The following ADGRV1 variants were observed in gnomAD, a reference collection of about 807,000 sequenced individuals.
ADGRV1 encodes the protein G-protein coupled receptor 98.
ADGRV1 carries 359 observed loss-of-function variants against 596.2 expected under a neutral mutation model. That is an observed-to-expected ratio of 0.60 (90% confidence interval 0.55 to 0.66). The LOEUF (loss-of-function observed/expected upper bound fraction) is 0.66. ADGRV1 is among the 30% of genes least tolerant of loss of function. The probability of loss-of-function intolerance (pLI) is 0.00; values close to 1 mark genes in which losing one functional copy is unlikely to be tolerated. For synonymous variants in ADGRV1, 2,681 were observed against 2,679.2 expected, an observed-to-expected ratio of 1.00 and a Z score of -0.02; for missense variants, 7,274 against 7,575.6, an observed-to-expected ratio of 0.96 and a Z score of 1.48.
At chr5:90,835,003 C>T (rs945499006) in intron 77 of ADGRV1, among the ~76,000 whole-genome samples, 1 of 150,278 alleles carries the variant, frequency 6.7e-6, no homozygotes, top group Non-Finnish European at 1.5e-5. Context: ...CTTATTCTTC[C>T]AATCCGTGAA....
At chr5:90,963,049 A>G (rs1020689608) in intron 83 of ADGRV1, among the ~76,000 whole-genome samples, 3 of 152,194 alleles carry the variant, frequency 2.0e-5, no homozygotes, top group Non-Finnish European at 2.9e-5. Context: ...ACACTATTCT[A>G]TTACATAACA....
chr5:90,663,966 A>G (rs1200144809), intron 21 of ADGRV1, among the ~76,000 whole-genome samples: 1 of 147,734 alleles, frequency 6.8e-6, no homozygotes, highest in Non-Finnish European at 1.5e-5. Context: ...TGTTCCATTG[A>G]TCTATATCTC....
chr5:91,059,172 C>T (rs972257990), intron 85 of ADGRV1, among the ~76,000 whole-genome samples: 1 of 152,150 alleles, frequency 6.6e-6, no homozygotes, highest in African/African-American at 2.4e-5. Flanking sequence ...TGATCCAAGA[C>T]CTTTACATGT....
intron 2 of ADGRV1, 68 bp downstream of exon 2, chr5:90,615,087 A>T: frequency 1.0e-6 from 1 of 963,522 alleles, no homozygotes; most frequent in Non-Finnish European, 1.4e-6. Context: ...AATGGCAAGG[A>T]TTTTTTTTTT....
At chr5:90,715,730 T>C (rs1217957850) in intron 42 of ADGRV1, among the ~76,000 whole-genome samples, 1 of 152,158 alleles carries the variant, frequency 6.6e-6, no homozygotes, top group Non-Finnish European at 1.5e-5. Flanking sequence ...AAGCAGACTT[T>C]CTGACTTTGT....
At chr5:90,721,995 A>T (rs923947323) in intron 45 of ADGRV1, among the ~76,000 whole-genome samples, 4 of 152,204 alleles carry the variant, frequency 2.6e-5, no homozygotes, top group Admixed American at 1.3e-4. Context: ...GAACTTAAGG[A>T]ATATTTTATA....
Position 90,694,174 on chromosome 5 carries a change from C to A in ADGRV1, c.7418C>A (p.Ala2473Asp). ...TGGATGACATCATGGATCAGCCCAG[C>A]TGTCAACAATTCAGACTTCTGGACC... ...CFWMTSWISP[A>D]VNNSDFWTYR... Residue 2473 changes from alanine to aspartate, a missense_variant, in exon 33 of 90, where the codon GCT becomes GAT. By Grantham distance (126) the Ala-to-Asp change is moderately radical (BLOSUM62 -2). Around this residue, in one of 5 missense-constraint regions of ADGRV1, gnomAD observed 3,643 missense variants for 3,809.2 expected, o/e 0.96. Coordinates refer to ENST00000405460, the MANE Select transcript of ADGRV1 (RefSeq NM_032119.4). 1 of 1,613,860 alleles carries A rather than the reference C, an allele frequency of 6.2e-7. No individual in the cohort carries two copies. The highest frequency in any genetic ancestry group is 8.5e-7 in the Non-Finnish European group (1 of 1,179,850).
At chr5:90,578,086 T>C (rs1757478586) in intron 1 of ADGRV1, among the ~76,000 whole-genome samples, 1 of 152,228 alleles carries the variant, frequency 6.6e-6, no homozygotes, top group African/African-American at 2.4e-5. Flanking sequence ...CCTCTTTTCC[T>C]GATTGAATAC....
Position 90,674,071 on chromosome 5 carries a change from T to C in ADGRV1, c.4947T>C (p.Val1649=). The C allele has an allele frequency of 6.2e-7, 1 of 1,611,418 alleles. No individual in the cohort carries two copies. Among genetic ancestry groups the C allele is most frequent in the South Asian group, 1.1e-5 (1 of 90,858 alleles). The part of the protein sequence containing the change: ...WQRSEVLNIY[V]LDDDIPELNE... ...ATTTTTAGGTTCTGAATATATATGT[T>C]CTTGATGATGATATTCCTGAACTTA... The change falls in exon 23 of 90, where the codon GTT becomes GTC. Residue 1649 remains valine, a synonymous_variant. Transcript: ENST00000405460.
chr5:90,844,391 G>A (rs992920053), intron 78 of ADGRV1, among the ~76,000 whole-genome samples: 1 of 152,044 alleles, frequency 6.6e-6, no homozygotes, highest in African/African-American at 2.4e-5. Context: ...TATTACACAT[G>A]CTAGAAGTGG....
intron 89 of ADGRV1, among the ~76,000 whole-genome samples, chr5:91,159,783 C>T (rs1796792234): frequency 6.6e-6 from 1 of 152,142 alleles, no homozygotes; most frequent in East Asian, 1.9e-4. Context: ...GAACAGTCAC[C>T]CTGGGACAGC....
At chr5:90,844,984 A>T (rs1765738950) in intron 78 of ADGRV1, among the ~76,000 whole-genome samples, 1 of 152,050 alleles carries the variant, frequency 6.6e-6, no homozygotes, top group Admixed American at 6.6e-5. Flanking sequence ...TTTACACTTG[A>T]TTTATTTTGT....
chr5:90,668,504 A>G lies in ADGRV1; in HGVS notation c.4753-4042A>G, dbSNP rs180971688. ...TGCGCGCACCCACTGACCTGCGCCC[A>G]CTGTCTGGCACTCCCTAGTGAGATG... On this transcript the variant is annotated intron_variant, in intron 21 of 89. Transcript: ENST00000405460. Among the ~76,000 whole-genome samples, 404 of 151,992 alleles carry G rather than the reference A, an allele frequency of 2.7e-3. 7 individuals carry two copies. The highest frequency in any genetic ancestry group is 0.025 in the East Asian group (128 of 5,138).
chr5:90,686,789 C>T (rs1421259829), intron 29 of ADGRV1, among the ~76,000 whole-genome samples: 7 of 152,240 alleles, frequency 4.6e-5, no homozygotes, highest in Admixed American at 2.0e-4. Context: ...GGAATCGCCA[C>T]GCTGACTTCC....
intron 83 of ADGRV1, among the ~76,000 whole-genome samples, chr5:90,927,864 A>G (rs1346780869): frequency 6.6e-6 from 1 of 151,836 alleles, no homozygotes; most frequent in East Asian, 1.9e-4. Context: ...TTTTCTGTAA[A>G]GTATTTTATT....
intron 1 of ADGRV1, among the ~76,000 whole-genome samples, chr5:90,597,171 A>G (rs1760795591): frequency 6.6e-6 from 1 of 152,188 alleles, no homozygotes; most frequent in African/African-American, 2.4e-5. Flanking sequence ...TATTTCTTTA[A>G]CAAGAATTAT....
At chr5:91,095,845 C>T (rs1454121839) in intron 86 of ADGRV1, among the ~76,000 whole-genome samples, 2 of 151,884 alleles carry the variant, frequency 1.3e-5, no homozygotes, top group African/African-American at 4.8e-5. Flanking sequence ...TGCAATGGTG[C>T]GATCTTGGCT....
In ADGRV1 at chr5:90,948,916, C is replaced by T. The variant is rs115252603; in HGVS notation, c.17857-16499C>T. On this transcript the variant is annotated intron_variant, in intron 83 of 89. Transcript: ENST00000405460. ...AAATTGTAAGTCAAACATCATAAGT[C>T]GGGGCCGTCTGTGTATAAAATATTT... is the stretch of plus-strand genomic sequence containing the variant. Among the ~76,000 whole-genome samples, 603 of 152,048 alleles carry T rather than the reference C, an allele frequency of 4.0e-3. 3 individuals carry two copies. The highest frequency in any genetic ancestry group is 0.014 in the African/African-American group (567 of 41,438).
chr5:90,944,826 C>T (rs1776438571), intron 83 of ADGRV1, among the ~76,000 whole-genome samples: 1 of 152,110 alleles, frequency 6.6e-6, no homozygotes, highest in Non-Finnish European at 1.5e-5. Context: ...CTCTTTGGGA[C>T]CTTTAAATGC....
Sources: gnomAD v4.1 joint callset for allele counts (sites outside exome capture counted in the v4.1 genomes callset) on GRCh38, gnomAD v4.1.1 for gene constraint, gnomAD v4.1.1 regional missense constraint, MANE v1.5 for transcripts, NCBI Gene and HGNC (gene_info 2026-07-23, HGNC 2026-07-21) for gene names.